Variants in SLC10A7 observed in about 807,000 individuals in gnomAD.
SLC10A7 encodes the protein sodium/bile acid cotransporter 7.
In SLC10A7, 29 loss-of-function variants were observed where a neutral mutation model predicts 43.2. The observed-to-expected ratio is 0.67, with a 90% CI of 0.50 to 0.92. The LOEUF (loss-of-function observed/expected upper bound fraction) is 0.92, where lower values mean the gene tolerates loss of function less well. Among genes scored for constraint, SLC10A7 ranks in the 40% least tolerant of loss-of-function variants. The probability of loss-of-function intolerance (pLI) is 0.00; values close to 1 mark genes in which losing one functional copy is unlikely to be tolerated. For missense variants in SLC10A7, 295 were observed against 403.2 expected (o/e 0.73, Z 2.30); for synonymous variants, 152 against 144.8 (o/e 1.05, Z -0.35).
At chr4:146,265,158 C>A (rs1728475418) in intron 10 of SLC10A7, among the ~76,000 whole-genome samples, 1 of 152,230 alleles carries the variant, frequency 6.6e-6, no homozygotes, top group South Asian at 2.1e-4. Flanking sequence ...AGCCTTACAA[C>A]AGATCTAGGA....
At chr4:146,358,400 G>A (rs1452401371) in intron 5 of SLC10A7, among the ~76,000 whole-genome samples, 1 of 152,002 alleles carries the variant, frequency 6.6e-6, no homozygotes, top group African/African-American at 2.4e-5. Context: ...TTTGTTTATT[G>A]AAGTATAATA....
intron 5 of SLC10A7, among the ~76,000 whole-genome samples, chr4:146,394,806 G>A (rs1388836262): frequency 6.6e-6 from 1 of 152,072 alleles, no homozygotes; most frequent in Non-Finnish European, 1.5e-5. Flanking sequence ...TCTTTCTTCT[G>A]AGTCCTTTTT....
At chr4:146,370,498 G>A (rs1027297156) in intron 5 of SLC10A7, among the ~76,000 whole-genome samples, 3 of 152,152 alleles carry the variant, frequency 2.0e-5, no homozygotes, top group African/African-American at 4.8e-5. Context: ...AGGCAAGGTG[G>A]TGTCAGCTTA....
chr4:146,264,898 C>T (rs1377919426), intron 10 of SLC10A7, among the ~76,000 whole-genome samples: 1 of 152,118 alleles, frequency 6.6e-6, no homozygotes, highest in Non-Finnish European at 1.5e-5. Flanking sequence ...TAAGATTATA[C>T]TTATAGCCTT....
intron 3 of SLC10A7, among the ~76,000 whole-genome samples, chr4:146,506,257 C>A (rs1736882979): frequency 6.6e-6 from 1 of 151,372 alleles, no homozygotes; most frequent in Non-Finnish European, 1.5e-5. Context: ...GAGATGCCAT[C>A]TCAAAAAAAA....
intron 4 of SLC10A7, among the ~76,000 whole-genome samples, chr4:146,465,646 C>A (rs915275087): frequency 8.5e-5 from 13 of 152,110 alleles, no homozygotes; most frequent in African/African-American, 3.1e-4. Context: ...TTTGTCCATG[C>A]ACAAAGTTCC....
chr4:146,443,257 TACAATC>T (rs1382491867), intron 4 of SLC10A7, among the ~76,000 whole-genome samples: 3 of 152,130 alleles, frequency 2.0e-5, no homozygotes, highest in African/African-American at 7.2e-5. Flanking sequence ...TCTTATGAGC[TACAATC>T]ACAAGGTAAG....
chr4:146,387,862 A>C (rs1465912783), intron 5 of SLC10A7, among the ~76,000 whole-genome samples: 2 of 152,180 alleles, frequency 1.3e-5, no homozygotes, highest in Non-Finnish European at 2.9e-5. Context: ...GGATACATTT[A>C]TCTAAGGAGG....
intron 5 of SLC10A7, among the ~76,000 whole-genome samples, chr4:146,362,542 G>GT (rs1194127757): frequency 6.6e-6 from 1 of 152,028 alleles, no homozygotes; most frequent in African/African-American, 2.4e-5. Context: ...TGTTGTAAAT[G>GT]TAAGTACACA....
chr4:146,335,282 G>C (rs796235417), intron 5 of SLC10A7, among the ~76,000 whole-genome samples: 2 of 92,784 alleles, frequency 2.2e-5, no homozygotes, highest in African/African-American at 7.9e-5. Flanking sequence ...AAAAAAAAAA[G>C]AGTCCTGGAT....
intron 5 of SLC10A7, among the ~76,000 whole-genome samples, chr4:146,396,764 T>A (rs370879106): frequency 6.0e-5 from 9 of 151,180 alleles, no homozygotes; most frequent in Admixed American, 4.6e-4. Context: ...TAATTGCACA[T>A]ACACACAAAT....
intron 2 of SLC10A7, 119 bp downstream of exon 2, chr4:146,516,919 G>T: frequency 1.4e-6 from 1 of 712,506 alleles, no homozygotes. Flanking sequence ...GTTATCTTCT[G>T]CTATAGTGAA....
chr4:146,487,028 T>TC (rs1437229540), intron 4 of SLC10A7, among the ~76,000 whole-genome samples: 4 of 152,196 alleles, frequency 2.6e-5, no homozygotes, highest in African/African-American at 9.6e-5. Flanking sequence ...GCTCTCCTGC[T>TC]CCCAGTGCAG....
At chr4:146,374,270 A>C (rs780465984) in intron 5 of SLC10A7, among the ~76,000 whole-genome samples, 6 of 152,154 alleles carry the variant, frequency 3.9e-5, no homozygotes, top group Non-Finnish European at 7.3e-5. Flanking sequence ...TGCTCAATGA[A>C]TGTTTTCCCC....
intron 5 of SLC10A7, chr4:146,441,865 A>G: frequency 1.0e-6 from 1 of 984,530 alleles, no homozygotes; most frequent in Non-Finnish European, 1.2e-6. Context: ...CATGTTTAAA[A>G]GCTTTAACTA....
At chr4:146,308,334 T>G (rs1338409092) in intron 6 of SLC10A7, among the ~76,000 whole-genome samples, 3 of 152,148 alleles carry the variant, frequency 2.0e-5, no homozygotes, top group African/African-American at 4.8e-5. Flanking sequence ...CCAACAGACC[T>G]GTCACTGTGG....
intron 5 of SLC10A7, among the ~76,000 whole-genome samples, chr4:146,431,314 C>A (rs1195593599): frequency 6.6e-6 from 1 of 152,082 alleles, no homozygotes; most frequent in Non-Finnish European, 1.5e-5. Flanking sequence ...GCGAAAGCAA[C>A]AAACAGAAAT....
At chr4:146,299,184 G>A (rs150062283) in intron 7 of SLC10A7, among the ~76,000 whole-genome samples, 81 of 152,204 alleles carry the variant, frequency 5.3e-4, no homozygotes, top group East Asian at 3.9e-3. Flanking sequence ...CCATACAAGC[G>A]TTTATTTTCA....
At chr4:146,377,925 T>C (rs919012031) in intron 5 of SLC10A7, among the ~76,000 whole-genome samples, 5 of 152,168 alleles carry the variant, frequency 3.3e-5, no homozygotes, top group African/African-American at 1.2e-4. Flanking sequence ...GTAAAGATAC[T>C]ACTAACAGGA....
Sources: allele counts gnomAD v4.1 joint callset (sites outside exome capture counted in the v4.1 genomes callset), GRCh38; gene constraint gnomAD v4.1.1; transcripts MANE v1.5; gene names NCBI Gene and HGNC (gene_info 2026-07-23, HGNC 2026-07-21).